The following DBH variants were observed in gnomAD, a reference collection of about 807,000 sequenced individuals.
DBH encodes dopamine beta-hydroxylase (dopamine beta-monooxygenase).
In DBH, 49 loss-of-function variants were observed where a neutral mutation model predicts 64.0. That is an observed-to-expected ratio of 0.77 (90% CI 0.61 to 0.97). The LOEUF (loss-of-function observed/expected upper bound fraction) is 0.97. Ranked by LOEUF, DBH falls within the 50% of genes least tolerant of loss-of-function variation. The pLI, the probability that DBH is intolerant of heterozygous loss-of-function variation, is 0.00. For synonymous variants in DBH, 343 were observed against 347.1 expected, an observed-to-expected ratio of 0.99 and a Z score of 0.13; for missense variants, 828 against 826.6, an observed-to-expected ratio of 1.00 and a Z score of -0.02.
At chr9:133,645,776 G>C (rs939323860) in intron 5 of DBH, among the ~76,000 whole-genome samples, 3 of 152,160 alleles carry the variant, frequency 2.0e-5, no homozygotes, top group African/African-American at 7.2e-5. Flanking sequence ...CCCTGGGTTT[G>C]AACCTCAGCT....
At position 133,642,476 on chromosome 9, in the gene DBH, T is replaced by A; in HGVS notation, c.744+12T>A. The A allele has an allele frequency of 5.0e-6, 8 of 1,598,238 alleles. No individual in the cohort carries two copies. Among genetic ancestry groups the A allele is most frequent in the Non-Finnish European group, 6.8e-6 (8 of 1,172,718 alleles). ...ACCACATTATCAAGGTACGTGCGGG[T>A]CCAGGGCCGAGGTCCTCGCCCAGCC... On this transcript the variant is annotated intron_variant, in intron 3 of 11. Coordinates refer to ENST00000393056, the MANE Select transcript of DBH (RefSeq NM_000787.4).
At chr9:133,656,985 G>C in intron 10 of DBH, 85 bp from the exon 11 acceptor site, 6 of 1,474,848 alleles carry the variant, frequency 4.1e-6, no homozygotes, top group Non-Finnish European at 5.7e-6. Flanking sequence ...GACAGGACTC[G>C]AGTTGCAGGG....
Position 133,658,491 on chromosome 9 carries a change from C to A in DBH, c.*44C>A, listed in dbSNP as rs753745545. The A allele has an allele frequency of 1.3e-6, 2 of 1,564,674 alleles. No homozygotes were observed. Among genetic ancestry groups the A allele is most frequent in the Non-Finnish European group, 1.7e-6 (2 of 1,153,914 alleles). On this transcript the variant is annotated 3_prime_UTR_variant, in exon 12 of 12. Coordinates refer to ENST00000393056, the MANE Select transcript of DBH (RefSeq NM_000787.4). ...CCCTCCTCCATGCTGTCCCTGTGGG[C>A]TCACACCGGCACTGTGCACTCTACT...
intron 5 of DBH, among the ~76,000 whole-genome samples, chr9:133,644,934 ACG>A (rs980789477): frequency 1.4e-5 from 2 of 140,976 alleles, no homozygotes; most frequent in African/African-American, 2.7e-5. Context: ...ATAGACACAC[ACG>A]CACACAATGC....
At position 133,656,644 on chromosome 9, in the gene DBH, T is replaced by C. The variant is rs537856898; in HGVS notation, c.1556T>C (p.Ile519Thr). 3.4e-5 allele frequency: 55 copies of C among 1,612,122 alleles called. No individual in the cohort carries two copies. The East Asian group carries it at 6.5e-4, about 19-fold the overall frequency. ...AGFLQKYFHL[I>T]NRFNNEDVCT... ...TTCCTGCAGAAGTACTTCCACCTCA[T>C]CAACAGGTGAGGGCTCCCTGCACAA... The change falls in exon 10 of 12, where the codon ATC becomes ACC. Residue 519 changes from isoleucine (I) to threonine (T), a missense_variant. Coordinates refer to ENST00000393056, the MANE Select transcript of DBH (RefSeq NM_000787.4).
intron 1 of DBH, among the ~76,000 whole-genome samples, 184 bp from the exon 2 acceptor site, chr9:133,639,662 G>A (rs930798926): frequency 3.9e-5 from 6 of 152,198 alleles, no homozygotes; most frequent in African/African-American, 1.4e-4. Flanking sequence ...GGCAGAAATG[G>A]AGATAGAAGG....
At chr9:133,639,336 T>C (rs2519156) in intron 1 of DBH, among the ~76,000 whole-genome samples, 76,330 of 151,914 alleles carry the variant, frequency 0.5, 20,264 homozygotes, top group African/African-American at 0.65. Context: ...TCAATCACCA[T>C]CTTAGATGTG....
intron 6 of DBH, 55 bp from the exon 7 acceptor site, chr9:133,651,579 C>T (rs567883684): frequency 3.7e-5 from 60 of 1,609,212 alleles, no homozygotes; most frequent in South Asian, 7.7e-5. Flanking sequence ...TGGCCATGGA[C>T]GGGAGGGTCC....
rs532306754 is a variant in DBH, at chr9:133,658,494, A to C, written c.*47A>C. 13 of 1,556,050 alleles carry C rather than the reference A, an allele frequency of 8.4e-6. No individual in the cohort carries two copies. In the African/African-American group the frequency reaches 1.4e-4, roughly 16 times the overall value. On this transcript the variant is annotated 3_prime_UTR_variant, in exon 12 of 12. Coordinates refer to ENST00000393056, the MANE Select transcript of DBH (RefSeq NM_000787.4). ...TCCTCCATGCTGTCCCTGTGGGCTC[A>C]CACCGGCACTGTGCACTCTACTCTG...
At chr9:133,647,156 C>T (rs1423228409) in intron 5 of DBH, among the ~76,000 whole-genome samples, 1 of 152,168 alleles carries the variant, frequency 6.6e-6, no homozygotes, top group Non-Finnish European at 1.5e-5. Context: ...CAAATTGTTC[C>T]TGAGATGTCA....
chr9:133,642,085 CAGAGATG>C (rs1832122323), intron 2 of DBH, 115 bp from the exon 3 acceptor site: 16 of 1,381,468 alleles, frequency 1.2e-5, no homozygotes, highest in Middle Eastern at 2.5e-4. Context: ...CCCTTATTCA[CAGAGATG>C]AGAGTGAGGT....
chr9:133,638,905 C>T (rs528752007), intron 1 of DBH, among the ~76,000 whole-genome samples: 49 of 152,288 alleles, frequency 3.2e-4, no homozygotes, highest in African/African-American at 9.9e-4. Context: ...CTCGGGCCAC[C>T]GTGTCCCTGC....
At chr9:133,647,208 AAGT>A (rs1416723539) in intron 5 of DBH, among the ~76,000 whole-genome samples, 1 of 152,150 alleles carries the variant, frequency 6.6e-6, no homozygotes, top group Non-Finnish European at 1.5e-5. Context: ...ACATAAATCA[AAGT>A]AGTAAAAGTG....
chr9:133,644,140 G>T, intron 4 of DBH, 78 bp from the exon 5 acceptor site: 2 of 1,078,928 alleles, frequency 1.9e-6, no homozygotes, highest in Non-Finnish European at 1.4e-6. Flanking sequence ...GGCCCCAACA[G>T]TTGACTGGGT....
At position 133,641,761 on chromosome 9, in the gene DBH, C is replaced by T. The variant is rs545826928; in HGVS notation, c.487-446C>T. On this transcript the variant is annotated intron_variant, in intron 2 of 11. Coordinates refer to ENST00000393056, the MANE Select transcript of DBH (RefSeq NM_000787.4). ...AATATAGCGTGGCTCCGCAGCTCAG[C>T]GTGACCATCAGCAAGCCCCAGGGTG... Among the ~76,000 whole-genome samples the T allele has an allele frequency of 4.6e-5, 7 of 152,300 alleles. No individual in the cohort carries two copies. The South Asian group carries it at 8.3e-4, about 18-fold the overall frequency.
intron 8 of DBH, among the ~76,000 whole-genome samples, chr9:133,652,496 G>A (rs1038959857): frequency 6.6e-6 from 1 of 152,184 alleles, no homozygotes; most frequent in African/African-American, 2.4e-5. Context: ...GTTGGAAAGA[G>A]TGGAGCAGAC....
At chr9:133,652,841 C>T in intron 8 of DBH, 99 bp from the exon 9 acceptor site, 1 of 819,478 alleles carries the variant, frequency 1.2e-6, no homozygotes, top group Non-Finnish European at 2.2e-6. Flanking sequence ...CCCAGAGGTG[C>T]CGTGGCATGC....
At chr9:133,653,535 G>C (rs1015998363) in intron 9 of DBH, among the ~76,000 whole-genome samples, 1 of 152,168 alleles carries the variant, frequency 6.6e-6, no homozygotes, top group Non-Finnish European at 1.5e-5. Flanking sequence ...GCCCAGGGGA[G>C]AGGGGAGGAG....
chr9:133,657,095 T>G lies in DBH; in HGVS notation c.1588T>G (p.Cys530Gly). 6.2e-7 allele frequency: 1 copy of G among 1,614,030 alleles called. No homozygotes were observed. Among genetic ancestry groups the G allele is most frequent in the Non-Finnish European group, 8.5e-7 (1 of 1,180,026 alleles). Residue 530 changes from cysteine to glycine, a missense_variant, in exon 11 of 12, where the codon TGC becomes GGC. By Grantham distance (159) the Cys-to-Gly change is radical. Transcript: ENST00000393056. ...GTTCAACAACGAGGATGTCTGCACC[T>G]GCCCTCAGGCGTCCGTGTCTCAGCA... ...NRFNNEDVCT[C>G]PQASVSQQFT...
Sources: gnomAD v4.1 joint callset for allele counts (sites outside exome capture counted in the v4.1 genomes callset) on GRCh38, gnomAD v4.1.1 for gene constraint, MANE v1.5 for transcripts, NCBI Gene and HGNC (gene_info 2026-07-23, HGNC 2026-07-21) for gene names.